LCE3D: variants seen among roughly 807,000 people sequenced by gnomAD.
LCE3D encodes late cornified envelope protein 3D.
For missense variants in LCE3D, 124 were observed against 121.1 expected (o/e 1.02, Z -0.11); for synonymous variants, 46 against 47.3 (o/e 0.97, Z 0.11).
chr1:152,579,859 T>C lies in LCE3D; in HGVS notation c.78A>G (p.Pro26=). Reference sequence around the variant, plus strand: ...AGGAAGCTGGAGGCAGACACTGTACTGGGCTCTTTGGGGGACACTTGGGTG... The same window carrying C: ...AGGAAGCTGGAGGCAGACACTGTACCGGGCTCTTTGGGGGACACTTGGGTG... ...CPSPKCPPKS[P]VQCLPPASSG... Residue 26 remains proline, a synonymous_variant, in exon 2 of 2, where the codon CCA becomes CCG. Coordinates refer to ENST00000368787, the MANE Select transcript of LCE3D (RefSeq NM_032563.2). The C allele has an allele frequency of 1.2e-6, 2 of 1,613,928 alleles. No individual in the cohort carries two copies. The highest frequency in any genetic ancestry group is 1.7e-6 in the Non-Finnish European group (2 of 1,180,036).
rs775921101 is a variant in LCE3D at position 152,579,743 on chromosome 1, C to G, written c.194G>C (p.Arg65Pro). The stretch of plus-strand genomic sequence containing the variant: ...CCTGTCACAGGAGTTGGGCCTCTGG[C>G]GCCGGCATCGGTGGTGGCGCCTGTG... Reference protein sequence around the residue: ...NHHRRHHRCRRQRPNSCDRGS... With the variant: ...NHHRRHHRCRPQRPNSCDRGS... Residue 65 changes from arginine to proline, a missense_variant, in exon 2 of 2, where the codon CGC (arginine) becomes CCC (proline). Physicochemically the swap from Arg to Pro is moderately radical, Grantham distance 103 (BLOSUM62 -2). Coordinates refer to ENST00000368787, the MANE Select transcript of LCE3D (RefSeq NM_032563.2). 1 of 1,613,680 alleles carries G rather than the reference C, an allele frequency of 6.2e-7. No homozygotes were observed. The highest frequency in any genetic ancestry group is 1.3e-5 in the African/African-American group (1 of 74,914).
In LCE3D at chr1:152,579,405, T is replaced by G; in HGVS notation, c.*253A>C. On this transcript the variant is annotated 3_prime_UTR_variant, in exon 2 of 2. Coordinates refer to ENST00000368787, the MANE Select transcript of LCE3D (RefSeq NM_032563.2). Reference sequence around the variant, plus strand: ...GTGGTAATGAGGACAAGGAGCTTTATTTTTTGATGAGGTCAGGCACAAGCA... The same window carrying G: ...GTGGTAATGAGGACAAGGAGCTTTAGTTTTTGATGAGGTCAGGCACAAGCA... 1 of 596,476 alleles carries G rather than the reference T, an allele frequency of 1.7e-6. No individual in the cohort carries two copies. The highest frequency in any genetic ancestry group is 2.9e-6 in the Non-Finnish European group (1 of 342,476). 36.9% of individuals were successfully genotyped at this position (596,476 alleles called of 1,614,324 possible).
Position 152,579,762 on chromosome 1 carries a change from G to T in LCE3D, c.175C>A (p.Arg59Ser). 6.2e-7 allele frequency: 1 copy of T among 1,613,722 alleles called. No individual in the cohort carries two copies. Among genetic ancestry groups the T allele is most frequent in the African/African-American group, 1.3e-5 (1 of 74,990 alleles). ...CTCTGGCGCCGGCATCGGTGGTGGC[G>T]CCTGTGGTGGTTCAGGAAGCAGCCG... ...EGGCFLNHHRRHHRCRRQRPN... is the reference protein window; with the variant it reads ...EGGCFLNHHRSHHRCRRQRPN... The change falls in exon 2 of 2, where the codon CGC (arginine) becomes AGC (serine). Residue 59 changes from arginine (R) to serine (S), a missense_variant. Physicochemically the swap from Arg to Ser is moderately radical, Grantham distance 110. Coordinates refer to ENST00000368787, the MANE Select transcript of LCE3D (RefSeq NM_032563.2).
rs957145608 is a variant in LCE3D, at chr1:152,579,687, A to G, written c.250T>C (p.Cys84Arg). 3 of 1,613,748 alleles carry G rather than the reference A, an allele frequency of 1.9e-6. No homozygotes were observed. The highest frequency in any genetic ancestry group is 2.5e-6 in the Non-Finnish European group (3 of 1,180,014). ...GSGQQGGGSGCGHGSGGCC is the reference protein window; with the variant it reads ...GSGQQGGGSGRGHGSGGCC ...CAGCAGCCTCCAGAGCCATGGCCGC[A>G]GCCAGAGCCCCCGCCTTGCTGACCA... is the stretch of plus-strand genomic sequence containing the variant. Residue 84 changes from cysteine to arginine, a missense_variant, in exon 2 of 2, where the codon TGC (cysteine) becomes CGC (arginine). Coordinates refer to ENST00000368787, the MANE Select transcript of LCE3D (RefSeq NM_032563.2).
intron 1 of LCE3D, 125 bp from the exon 2 acceptor site, chr1:152,580,082 C>A: frequency 8.8e-7 from 1 of 1,137,890 alleles, no homozygotes; most frequent in Non-Finnish European, 1.3e-6. Context: ...TGGGACATGC[C>A]AGATGCCTCT....
chr1:152,579,628 A>G lies in LCE3D; in HGVS notation c.*30T>C. On this transcript the variant is annotated 3_prime_UTR_variant, in exon 2 of 2. Transcript: ENST00000368787. ...GCCCTTGGGATTCTTGTTTCCTCCA[A>G]AATCGCTTGTCTCAGCATCAGGATC... The G allele has an allele frequency of 1.2e-6, 2 of 1,613,326 alleles. No individual in the cohort carries two copies. Among genetic ancestry groups the G allele is most frequent in the South Asian group, 1.1e-5 (1 of 91,076 alleles).
In LCE3D at chr1:152,580,513, G is replaced by A. The variant is rs1479796481; in HGVS notation, c.-66C>T. 1.2e-5 allele frequency: 2 copies of A among 161,278 alleles called. No individual in the cohort carries two copies. Among genetic ancestry groups the A allele is most frequent in the African/African-American group, 4.8e-5 (2 of 41,514 alleles). 10.0% of individuals were successfully genotyped at this position (161,278 alleles called of 1,614,324 possible). A position where few individuals can be genotyped will look rare whatever the true frequency, so the allele number is the denominator to read the frequency against. ...AGAAGGCTGTTCCTGAGGAGACGGT[G>A]GATGAGGAGCCCAGGGCAGGAGTGC... On this transcript the variant is annotated 5_prime_UTR_variant, in exon 1 of 2. Transcript: ENST00000368787.
Position 152,579,744 on chromosome 1 carries a change from G to A in LCE3D, c.193C>T (p.Arg65Cys), listed in dbSNP as rs147417899. 276 of 1,613,820 alleles carry A rather than the reference G, an allele frequency of 1.7e-4. 1 individual carries two copies. The highest frequency in any genetic ancestry group is 2.7e-4 in the East Asian group (12 of 44,872). ...NHHRRHHRCR[R>C]QRPNSCDRGS... ...CTGTCACAGGAGTTGGGCCTCTGGC[G>A]CCGGCATCGGTGGTGGCGCCTGTGG... is the stretch of plus-strand genomic sequence containing the variant. Residue 65 changes from arginine to cysteine, a missense_variant, in exon 2 of 2, where the codon CGC becomes TGC. By Grantham distance (180) the Arg-to-Cys change is radical (BLOSUM62 -3). Transcript: ENST00000368787.
At position 152,579,972 on chromosome 1, in the gene LCE3D, GC is replaced by G. The variant is rs2101777554; in HGVS notation, c.-21-16del. The stretch of plus-strand genomic sequence containing the variant: ...GTTGAGTTGTCCTGGACAAAACAAA[GC>G]CATTTGTTAGTCCAAAATCTACAGT... On this transcript the variant is annotated splice_polypyrimidine_tract_variant and intron_variant, in intron 1 of 1. Transcript: ENST00000368787. 1 of 1,613,620 alleles carries G rather than the reference GC, an allele frequency of 6.2e-7. No homozygotes were observed. The highest frequency in any genetic ancestry group is 2.2e-5 in the East Asian group (1 of 44,880).
chr1:152,579,830 C>A lies in LCE3D; in HGVS notation c.107G>T (p.Gly36Val), dbSNP rs771339179. ...PVQCLPPASS[G>V]CAPSSGGCGP... The stretch of plus-strand genomic sequence containing the variant: ...ACAGCCCCCAGAGCTTGGGGCACAG[C>A]CAGAGGAAGCTGGAGGCAGACACTG... The change falls in exon 2 of 2, where the codon GGC (glycine) becomes GTC (valine). Residue 36 changes from glycine to valine, a missense_variant. Coordinates refer to ENST00000368787, the MANE Select transcript of LCE3D (RefSeq NM_032563.2). The A allele has an allele frequency of 4.3e-6, 7 of 1,613,758 alleles. No homozygotes were observed. Among genetic ancestry groups the A allele is most frequent in the Non-Finnish European group, 5.9e-6 (7 of 1,180,042 alleles).
chr1:152,579,577 C>T lies in LCE3D; in HGVS notation c.*81G>A. 2 of 1,594,182 alleles carry T rather than the reference C, an allele frequency of 1.3e-6. No homozygotes were observed. Among genetic ancestry groups the T allele is most frequent in the Non-Finnish European group, 1.7e-6 (2 of 1,170,256 alleles). ...AGCCAGAAGAGGGTATCTGGGAACT[C>T]ATGCATCAAGATGGGGTTTTCCTGG... On this transcript the variant is annotated 3_prime_UTR_variant, in exon 2 of 2. Coordinates refer to ENST00000368787, the MANE Select transcript of LCE3D (RefSeq NM_032563.2).
Position 152,579,861 on chromosome 1 carries a change from G to A in LCE3D, c.76C>T (p.Pro26Ser). ...CPSPKCPPKS[P>S]VQCLPPASSG... Reference sequence around the variant, plus strand: ...GAAGCTGGAGGCAGACACTGTACTGGGCTCTTTGGGGGACACTTGGGTGAG... The same window carrying A: ...GAAGCTGGAGGCAGACACTGTACTGAGCTCTTTGGGGGACACTTGGGTGAG... The change falls in exon 2 of 2, where the codon CCA becomes TCA. Residue 26 changes from proline (P) to serine (S), a missense_variant. Coordinates refer to ENST00000368787, the MANE Select transcript of LCE3D (RefSeq NM_032563.2). The A allele has an allele frequency of 6.2e-7, 1 of 1,613,936 alleles. No homozygotes were observed. Among genetic ancestry groups the A allele is most frequent in the Non-Finnish European group, 8.5e-7 (1 of 1,180,040 alleles).
At position 152,579,425 on chromosome 1, in the gene LCE3D, C is replaced by G. The variant is rs528615615; in HGVS notation, c.*233G>C. The stretch of plus-strand genomic sequence containing the variant: ...CTTTATTTTTTGATGAGGTCAGGCA[C>G]AAGCACTGCCAATCCTTCACAGGTA... On this transcript the variant is annotated 3_prime_UTR_variant, in exon 2 of 2. Coordinates refer to ENST00000368787, the MANE Select transcript of LCE3D (RefSeq NM_032563.2). 3.1e-6 allele frequency: 2 copies of G among 646,018 alleles called. No homozygotes were observed. The highest frequency in any genetic ancestry group is 5.5e-5 in the East Asian group (2 of 36,322). The allele number at this position is 646,018 out of a possible 1,614,324, so 40.0% of individuals were successfully genotyped here.
At chr1:152,580,062 G>A (rs1557783959) in intron 1 of LCE3D, 105 bp from the exon 2 acceptor site, 2 of 1,388,890 alleles carry the variant, frequency 1.4e-6, no homozygotes, top group Admixed American at 4.1e-5. Flanking sequence ...GGAAGCTGAT[G>A]TGGAGTTGGT....
intron 1 of LCE3D, 100 bp downstream of exon 1, chr1:152,580,369 G>A (rs904133687): frequency 2.9e-5 from 6 of 207,540 alleles, no homozygotes; most frequent in Admixed American, 5.4e-5. Context: ...TCCTCTCTCC[G>A]GGCTTTTGTT....
chr1:152,579,456 G>GT lies in LCE3D; in HGVS notation c.*201dup. The GT allele has an allele frequency of 1.3e-6, 1 of 748,982 alleles. No homozygotes were observed. Among genetic ancestry groups the GT allele is most frequent in the South Asian group, 1.8e-5 (1 of 54,518 alleles). The allele number at this position is 748,982 out of a possible 1,614,324, so 46.4% of individuals were successfully genotyped here. A position where few individuals can be genotyped will look rare whatever the true frequency, so the allele number is the denominator to read the frequency against. Reference sequence around the variant, plus strand: ...CTGCCAATCCTTCACAGGTACAGGGGTAAGGGAACATGTGACATCCTGGAC... The same window carrying GT: ...CTGCCAATCCTTCACAGGTACAGGGGTTAAGGGAACATGTGACATCCTGGAC... On this transcript the variant is annotated 3_prime_UTR_variant, in exon 2 of 2. Transcript: ENST00000368787.
In LCE3D at chr1:152,579,713, C is replaced by T; in HGVS notation, c.224G>A (p.Ser75Asn). ...GCCAGAGCCCCCGCCTTGCTGACCA[C>T]TGCCCCTGTCACAGGAGTTGGGCCT... ...RQRPNSCDRG[S>N]GQQGGGSGCG... is the part of the protein sequence containing the mutation. The change falls in exon 2 of 2, where the codon AGT (serine) becomes AAT (asparagine). Residue 75 changes from serine to asparagine, a missense_variant. Ser to Asn is a conservative substitution (Grantham distance 46, BLOSUM62 1). Transcript: ENST00000368787. The T allele has an allele frequency of 6.2e-7, 1 of 1,613,908 alleles. No homozygotes were observed. The highest frequency in any genetic ancestry group is 8.5e-7 in the Non-Finnish European group (1 of 1,180,026).
intron 1 of LCE3D, 47 bp from the exon 2 acceptor site, chr1:152,580,004 G>A (rs1660188752): frequency 1.2e-6 from 2 of 1,610,434 alleles, no homozygotes; most frequent in Non-Finnish European, 1.7e-6. Context: ...ACAGTCCAAT[G>A]TCTCTAAGAC....
At chr1:152,580,050 A>T (rs866215482) in intron 1 of LCE3D, 93 bp from the exon 2 acceptor site, 1 of 1,501,560 alleles carries the variant, frequency 6.7e-7, no homozygotes. Flanking sequence ...CAGGAAGGTG[A>T]GGGAAGCTGA....
Sources: allele counts gnomAD v4.1 joint callset, GRCh38; gene constraint gnomAD v4.1.1; transcripts MANE v1.5; gene names NCBI Gene and HGNC (gene_info 2026-07-23, HGNC 2026-07-21).